The following ABCC11 variants were observed in gnomAD, a reference collection of about 807,000 sequenced individuals.
ABCC11 encodes ATP binding cassette subfamily C member 11, also known as ATP-binding cassette sub-family C member 11.
In ABCC11, 135 loss-of-function variants were observed where a neutral mutation model predicts 149.3. The observed-to-expected ratio is 0.90, with a 90% CI of 0.79 to 1.04. The LOEUF (loss-of-function observed/expected upper bound fraction) is 1.04, where lower values mean the gene tolerates loss of function less well. Among genes scored for constraint, ABCC11 ranks in the 50% least tolerant of loss-of-function variants. The pLI is 0.00. For synonymous variants in ABCC11, 665 were observed against 671.4 expected, an observed-to-expected ratio of 0.99 and a Z score of 0.15; for missense variants, 1,680 against 1,722.1, an observed-to-expected ratio of 0.98 and a Z score of 0.43.
chr16:48,244,599 C>G (rs748050260), intron 1 of ABCC11: 1 of 1,482,802 alleles, frequency 6.7e-7, no homozygotes, highest in South Asian at 1.3e-5. Context: ...CAGCGACGCG[C>G]AGGACCTGCC....
chr16:48,167,747 G>T, intron 28 of ABCC11, 87 bp from the exon 29 acceptor site: 1 of 1,441,764 alleles, frequency 6.9e-7, no homozygotes, highest in Non-Finnish European at 9.5e-7. Flanking sequence ...ATTCACCAGG[G>T]CCCTTCCTCT....
intron 1 of ABCC11, among the ~76,000 whole-genome samples, chr16:48,239,464 A>G (rs1359566968): frequency 6.8e-6 from 1 of 147,874 alleles, no homozygotes; most frequent in Non-Finnish European, 1.5e-5. Flanking sequence ...CGGGAGGCTG[A>G]GGCAGGAGAA....
chr16:48,208,404 A>G (rs766504392), intron 12 of ABCC11, 21 bp downstream of exon 12: 4 of 1,613,966 alleles, frequency 2.5e-6, no homozygotes, highest in Non-Finnish European at 3.4e-6. Context: ...ACAGGCAAGC[A>G]TGTGGCCACA....
At chr16:48,194,960 G>A (rs928251653) in intron 18 of ABCC11, among the ~76,000 whole-genome samples, 2 of 152,236 alleles carry the variant, frequency 1.3e-5, no homozygotes, top group African/African-American at 4.8e-5. Flanking sequence ...AACTTGCAGA[G>A]TTGGTGAGTG....
At chr16:48,213,406 A>G (rs942933067) in intron 10 of ABCC11, 37 bp downstream of exon 10, 2 of 1,568,104 alleles carry the variant, frequency 1.3e-6, no homozygotes. Flanking sequence ...AGGAGCGTCC[A>G]AGCAGGGGGC....
chr16:48,214,853 G>A lies in ABCC11; in HGVS notation c.1248+28C>T, dbSNP rs745518118. The A allele has an allele frequency of 2.5e-6, 4 of 1,613,356 alleles. No individual in the cohort carries two copies. The Admixed American group carries it at 5.0e-5, about 20-fold the overall frequency. ...TGAGAAAATTCCCAATCATGATGGGGAGAAAACAAAGCCCCCCAAACCCTT... is the reference window on the plus strand; with the variant it reads ...TGAGAAAATTCCCAATCATGATGGGAAGAAAACAAAGCCCCCCAAACCCTT... On this transcript the variant is annotated intron_variant, in intron 9 of 29. Coordinates refer to ENST00000356608, the MANE Select transcript of ABCC11 (RefSeq NM_001370497.1).
chr16:48,222,835 C>T lies in ABCC11; in HGVS notation c.544-4G>A, dbSNP rs1212098781. On this transcript the variant is annotated splice_region_variant and splice_polypyrimidine_tract_variant and intron_variant, in intron 5 of 29. Coordinates refer to ENST00000356608, the MANE Select transcript of ABCC11 (RefSeq NM_001370497.1). Reference sequence around the variant, plus strand: ...GGATCTTTGGTATAATCAATATCTACAAGGAAATGGGAGTTTGGATCATTC... The same window carrying T: ...GGATCTTTGGTATAATCAATATCTATAAGGAAATGGGAGTTTGGATCATTC... 6.2e-6 allele frequency: 10 copies of T among 1,607,432 alleles called. No individual in the cohort carries two copies. Among genetic ancestry groups the T allele is most frequent in the African/African-American group, 1.3e-5 (1 of 74,740 alleles).
At chr16:48,189,891 C>T (rs767827071) in intron 20 of ABCC11, among the ~76,000 whole-genome samples, 1 of 152,190 alleles carries the variant, frequency 6.6e-6, no homozygotes, top group Non-Finnish European at 1.5e-5. Flanking sequence ...CGATGGGCCG[C>T]TCCTCACCTC....
chr16:48,238,356 G>A (rs1200580232), intron 1 of ABCC11, among the ~76,000 whole-genome samples: 1 of 152,134 alleles, frequency 6.6e-6, no homozygotes, highest in Non-Finnish European at 1.5e-5. Flanking sequence ...CTGTTCCCCT[G>A]GCTGAGAGAT....
At chr16:48,187,150 G>C (rs377303801) in intron 21 of ABCC11, 51 bp downstream of exon 21, 96 of 1,613,290 alleles carry the variant, frequency 6.0e-5, no homozygotes, top group African/African-American at 8.0e-5. Context: ...ATCTAGTCTG[G>C]GTTGGTCCCA....
Position 48,213,474 on chromosome 16 carries a change from G to A in ABCC11, c.1325C>T (p.Thr442Met), listed in dbSNP as rs148839428. The change falls in exon 10 of 30, where the codon ACG becomes ATG. Residue 442 changes from threonine (T) to methionine (M), a missense_variant. By Grantham distance (81) the Thr-to-Met change is moderately conservative. Coordinates refer to ENST00000356608, the MANE Select transcript of ABCC11 (RefSeq NM_001370497.1). ...CCTCATCACTGCAGACTTGGAATTCGTGAGACCTTTGACTGCAATAGGCAC... is the reference window on the plus strand; with the variant it reads ...CCTCATCACTGCAGACTTGGAATTCATGAGACCTTTGACTGCAATAGGCAC... Reference protein sequence around the residue: ...FFVPIAVKGLTNSKSAVMRFK... With the variant: ...FFVPIAVKGLMNSKSAVMRFK... 3.1e-5 allele frequency: 50 copies of A among 1,612,258 alleles called. No individual in the cohort carries two copies. The highest frequency in any genetic ancestry group is 2.5e-4 in the East Asian group (11 of 44,734).
chr16:48,196,959 T>C (rs769600206), intron 17 of ABCC11, among the ~76,000 whole-genome samples: 1 of 150,172 alleles, frequency 6.7e-6, no homozygotes, highest in Non-Finnish European at 1.5e-5. Context: ...AACGGTGCTC[T>C]TTTTCTGGAA....
At chr16:48,168,135 T>C (rs964811872) in intron 28 of ABCC11, among the ~76,000 whole-genome samples, 1 of 152,170 alleles carries the variant, frequency 6.6e-6, no homozygotes, top group Non-Finnish European at 1.5e-5. Context: ...GAAAGTGTGA[T>C]TTCACAAATG....
chr16:48,207,986 A>T (rs1968590032), intron 12 of ABCC11, among the ~76,000 whole-genome samples: 1 of 151,398 alleles, frequency 6.6e-6, no homozygotes, highest in East Asian at 1.9e-4. Flanking sequence ...TAAAAGGCAC[A>T]TACATCCCAC....
chr16:48,245,333 G>C (rs536992481), intron 1 of ABCC11, among the ~76,000 whole-genome samples: 10 of 152,156 alleles, frequency 6.6e-5, no homozygotes, highest in Middle Eastern at 3.4e-3. Flanking sequence ...CAGTACCCTC[G>C]CCCTATTGGT....
chr16:48,189,268 G>T (rs1011236206), intron 20 of ABCC11, among the ~76,000 whole-genome samples: 25 of 152,208 alleles, frequency 1.6e-4, no homozygotes, highest in African/African-American at 5.3e-4. Flanking sequence ...ACACAGGAGT[G>T]GACGTCAGCT....
chr16:48,227,808 T>G lies in ABCC11; in HGVS notation c.393A>C (p.Gln131His), dbSNP rs200640389. The G allele has an allele frequency of 6.2e-7, 1 of 1,613,998 alleles. No homozygotes were observed. Among genetic ancestry groups the G allele is most frequent in the Admixed American group, 1.7e-5 (1 of 60,002 alleles). ...TGGTTTGCCCAGCGCAGCTTCACCT[T>G]TGGACATTTTTGTCTGAGGCATCAT... Reference protein sequence around the residue: ...SVHDASDKNVQRLHRLWEEEV... With the variant: ...SVHDASDKNVHRLHRLWEEEV... Residue 131 changes from glutamine to histidine, a missense_variant and splice_region_variant, in exon 4 of 30, where the codon CAA (glutamine) becomes CAC (histidine). Transcript: ENST00000356608.
At chr16:48,244,503 C>T (rs753162151) in intron 1 of ABCC11, 1 of 1,596,924 alleles carries the variant, frequency 6.3e-7, no homozygotes, top group Admixed American at 1.7e-5. Context: ...GGCCCGCAAC[C>T]TGCAGCTGGT....
chr16:48,186,963 AG>A lies in ABCC11; in HGVS notation c.3060del (p.Phe1021SerfsTer8), dbSNP rs1966783173. On this transcript the variant is annotated frameshift_variant, in exon 22 of 30. Transcript: ENST00000356608. LOFTEE classifies it high-confidence loss of function. ...SSIHVYGKTE[D>X]FISQFKRLTD... ...AGCAGAAGGACTCACTGGCTGATGA[AG>A]TCTTCAGTTTTTCCATAGACATGGA... is the stretch of plus-strand genomic sequence containing the variant. 3.1e-6 allele frequency: 5 copies of A among 1,614,144 alleles called. No homozygotes were observed. The highest frequency in any genetic ancestry group is 3.4e-6 in the Non-Finnish European group (4 of 1,180,022).
Sources: allele counts gnomAD v4.1 joint callset (sites outside exome capture counted in the v4.1 genomes callset), GRCh38; gene constraint gnomAD v4.1.1; transcripts MANE v1.5; gene names NCBI Gene and HGNC (gene_info 2026-07-23, HGNC 2026-07-21).